Variants in CYLC2 observed in about 807,000 individuals in gnomAD.
CYLC2 encodes the protein cylicin 2.
In CYLC2, 30 loss-of-function variants were observed where a neutral mutation model predicts 26.1. The ratio of observed to expected loss-of-function variants is 1.15; its 90% CI spans 0.86 to 1.56. CYLC2 has a LOEUF of 1.56. CYLC2 is among the 40% of genes most tolerant of loss of function. The pLI, the probability that CYLC2 is intolerant of heterozygous loss-of-function variation, is 0.00. For missense variants in CYLC2, 498 were observed against 394.4 expected, an observed-to-expected ratio of 1.26 and a Z score of -2.23; for synonymous variants, 158 against 132.8, an observed-to-expected ratio of 1.19 and a Z score of -1.31.
At chr9:103,011,869 A>G (rs1189462572) in intron 5 of CYLC2, 113 bp from the exon 6 acceptor site, 1 of 150,658 alleles carries the variant, frequency 6.6e-6, no homozygotes, top group Non-Finnish European at 1.5e-5. Context: ...TTTGAAAATG[A>G]TATTATTCCA....
intron 1 of CYLC2, among the ~76,000 whole-genome samples, chr9:102,997,578 T>C (rs1829250377): frequency 6.6e-6 from 1 of 151,916 alleles, no homozygotes; most frequent in South Asian, 2.1e-4. Flanking sequence ...TTCTACCATG[T>C]CTTTTATGGT....
Position 103,014,549 on chromosome 9 carries a change from T to TGCAATATACATCATATGTATATTAC in CYLC2, c.*817-2336_*817-2335insATATACATCATATGTATATTACGCA, listed in dbSNP as rs1554713780. 1.4e-3 allele frequency among the ~76,000 whole-genome samples: 147 copies of TGCAATATACATCATATGTATATTAC among 103,628 alleles called. 16 individuals carry two copies. The highest frequency in any genetic ancestry group is 4.3e-3 in the African/African-American group (117 of 27,132). The allele number at this position is 103,628 out of a possible 152,430, so 68.0% of individuals were successfully genotyped here. On this transcript the variant is annotated intron_variant, in intron 6 of 7. Coordinates refer to ENST00000374798, the MANE Select transcript of CYLC2 (RefSeq NM_001340.5). ...TGCAATATACATCATATGTATATTA[T>TGCAATATACATCATATGTATATTAC]GCAGTATACATCATATGTATATTAT...
intron 6 of CYLC2, among the ~76,000 whole-genome samples, chr9:103,013,717 T>A (rs1403267017): frequency 8.9e-6 from 1 of 111,918 alleles, no homozygotes; most frequent in Admixed American, 1.2e-4. Context: ...ATATTATATA[T>A]ATTATGCATT....
intron 6 of CYLC2, among the ~76,000 whole-genome samples, chr9:103,013,915 A>G (rs1308961001): frequency 1.7e-5 from 2 of 114,844 alleles, no homozygotes; most frequent in Non-Finnish European, 3.2e-5. Context: ...ATTATATTAT[A>G]CATTATATAT....
chr9:103,004,843 A>C lies in CYLC2; in HGVS notation c.329A>C (p.Lys110Thr). Residue 110 changes from lysine to threonine, a missense_variant, in exon 4 of 8, where the codon AAA becomes ACA. Coordinates refer to ENST00000374798, the MANE Select transcript of CYLC2 (RefSeq NM_001340.5). ...KPTRTVEVDS[K>T]AAEIGKKGED... ...ACTCGTACTGTCGAGGTGGATTCTA[A>C]AGCAGCAGGTAGAGATAACTTACTG... 2.5e-6 allele frequency: 4 copies of C among 1,609,208 alleles called. No individual in the cohort carries two copies. Among genetic ancestry groups the C allele is most frequent in the Non-Finnish European group, 3.4e-6 (4 of 1,178,838 alleles).
Position 103,004,959 on chromosome 9 carries a change from T to A in CYLC2, c.338-10T>A. On this transcript the variant is annotated splice_polypyrimidine_tract_variant and intron_variant, in intron 4 of 7. Transcript: ENST00000374798. ...CCCATTTTAAGAAATATTTGAATAT[T>A]TATCCCCAGAAATTGGTAAGAAAGG... 6.3e-7 allele frequency: 1 copy of A among 1,577,614 alleles called. No individual in the cohort carries two copies.
In CYLC2 at chr9:103,005,652, A is replaced by T; in HGVS notation, c.1021A>T (p.Lys341Ter). 1.2e-6 allele frequency: 2 copies of T among 1,611,750 alleles called. No homozygotes were observed. The highest frequency in any genetic ancestry group is 1.1e-5 in the South Asian group (1 of 90,618). ...AKKNAKKDEK[K>*]DAKKKGK is the part of the protein sequence containing the mutation. ...GAAGAATGCAAAGAAGGATGAAAAG[A>T]AGGATGCAAAGAAGAAGGGCAAGTA... The change falls in exon 5 of 8, where the codon AAG becomes TAG. Residue 341 changes from lysine to a stop codon, truncating the protein, a stop_gained. Transcript: ENST00000374798. LOFTEE classifies it low-confidence loss of function (END_TRUNC).
chr9:103,015,102 T>C (rs1156821453), intron 6 of CYLC2, among the ~76,000 whole-genome samples: 1 of 49,348 alleles, frequency 2.0e-5, no homozygotes, highest in African/African-American at 7.3e-5. Flanking sequence ...GTATATCACG[T>C]GATATACATA....
In CYLC2 at chr9:103,006,017, G is replaced by GAC. The variant is rs201304746; in HGVS notation, c.*393_*394dup. ...TGAAGATAATGACACTAAATCTATG[G>GAC]ACACACACACACACACACACACACA... On this transcript the variant is annotated 3_prime_UTR_variant, in exon 5 of 8. Coordinates refer to ENST00000374798, the MANE Select transcript of CYLC2 (RefSeq NM_001340.5). 4,658 of 119,788 alleles carry GAC rather than the reference G, an allele frequency of 0.039. 146 individuals are homozygous for GAC. The highest frequency in any genetic ancestry group is 0.055 in the African/African-American group (1,587 of 29,038). The allele number at this position is 119,788 out of a possible 1,614,324, so 7.4% of individuals were successfully genotyped here.
intron 1 of CYLC2, among the ~76,000 whole-genome samples, chr9:102,998,016 T>C (rs1829254129): frequency 6.6e-6 from 1 of 151,964 alleles, no homozygotes. Flanking sequence ...AAATACATTA[T>C]ATTCTACATT....
intron 1 of CYLC2, among the ~76,000 whole-genome samples, chr9:102,998,504 C>G (rs1018961050): frequency 6.6e-6 from 1 of 151,848 alleles, no homozygotes; most frequent in Non-Finnish European, 1.5e-5. Flanking sequence ...GATGCTCTCA[C>G]CAGCAAAGCC....
At chr9:103,015,035 G>A (rs1246713538) in intron 6 of CYLC2, among the ~76,000 whole-genome samples, 7 of 88,192 alleles carry the variant, frequency 7.9e-5, no homozygotes, top group Non-Finnish European at 1.4e-4. Context: ...TAATACATGT[G>A]ATATACATAA....
intron 1 of CYLC2, 112 bp downstream of exon 1, chr9:102,995,509 A>C (rs1255601173): frequency 1.2e-6 from 1 of 828,316 alleles, no homozygotes; most frequent in Non-Finnish European, 2.0e-6. Flanking sequence ...TCATAAGCAA[A>C]AGATAATGTG....
intron 6 of CYLC2, among the ~76,000 whole-genome samples, chr9:103,015,274 T>C (rs553988926): frequency 2.6e-5 from 3 of 113,360 alleles, no homozygotes; most frequent in South Asian, 5.0e-4. Context: ...TACATATATT[T>C]ATATATTATA....
In CYLC2 at chr9:103,006,248, A is replaced by C. The variant is rs1829348874; in HGVS notation, c.*570A>C. On this transcript the variant is annotated 3_prime_UTR_variant, in exon 5 of 8. Transcript: ENST00000374798. ...GCATTCCTTTGGCAAAAAGAAAAAA[A>C]AAGTAAAAGAAAAGAAAAAAAATGT... is the stretch of plus-strand genomic sequence containing the variant. 1 of 152,004 alleles carries C rather than the reference A, an allele frequency of 6.6e-6. No individual in the cohort carries two copies. Among genetic ancestry groups the C allele is most frequent in the Non-Finnish European group, 1.5e-5 (1 of 68,012 alleles). 9.4% of individuals were successfully genotyped at this position (152,004 alleles called of 1,614,324 possible).
At chr9:103,011,661 C>T (rs1829408132) in intron 5 of CYLC2, among the ~76,000 whole-genome samples, 2 of 151,966 alleles carry the variant, frequency 1.3e-5, no homozygotes, top group African/African-American at 2.4e-5. Context: ...AAAACCATTG[C>T]TCTGTGGGTT....
chr9:103,007,301 T>C (rs1829362697), intron 5 of CYLC2, among the ~76,000 whole-genome samples: 1 of 152,064 alleles, frequency 6.6e-6, no homozygotes, highest in Non-Finnish European at 1.5e-5. Context: ...TTATTACCAA[T>C]TAAGCATCCA....
At position 102,995,416 on chromosome 9, in the gene CYLC2, T is replaced by C. The variant is rs750265448; in HGVS notation, c.17+19T>C. 1.8e-5 allele frequency: 28 copies of C among 1,577,356 alleles called. No individual in the cohort carries two copies. Among genetic ancestry groups the C allele is most frequent in the Non-Finnish European group, 2.4e-5 (28 of 1,147,458 alleles). On this transcript the variant is annotated intron_variant, in intron 1 of 7. Transcript: ENST00000374798. ...CAAGATTGTAAGTCAAATTTTATGT[T>C]TTAAAATAACTGAAATACTCGTTAG...
chr9:103,001,954 A>G (rs1829293073), intron 2 of CYLC2, among the ~76,000 whole-genome samples: 1 of 152,186 alleles, frequency 6.6e-6, no homozygotes, highest in South Asian at 2.1e-4. Flanking sequence ...CTTCTACAAC[A>G]TTCCTGATAG....
Sources: gnomAD v4.1 joint callset for allele counts (sites outside exome capture counted in the v4.1 genomes callset) on GRCh38, gnomAD v4.1.1 for gene constraint, MANE v1.5 for transcripts, NCBI Gene and HGNC (gene_info 2026-07-23, HGNC 2026-07-21) for gene names.